The following RNF130 variants were observed in gnomAD, a reference collection of about 807,000 sequenced individuals.
The protein encoded by RNF130 is E3 ubiquitin-protein ligase RNF130.
RNF130 carries 21 observed loss-of-function variants against 44.6 expected under a neutral mutation model. The observed-to-expected ratio is 0.47, with a 90% CI of 0.33 to 0.68. RNF130 has a LOEUF of 0.68. RNF130 is among the 30% of genes least tolerant of loss of function. The pLI, the probability that RNF130 is intolerant of heterozygous loss-of-function variation, is 0.02. For synonymous variants in RNF130, 214 were observed against 210.4 expected (o/e 1.02, Z -0.15); for missense variants, 479 against 560.6 (o/e 0.85, Z 1.47).
downstream of RNF130, among the ~76,000 whole-genome samples, chr5:179,951,811 T>G (rs1762130896): frequency 6.6e-6 from 1 of 151,802 alleles, no homozygotes; most frequent in Non-Finnish European, 1.5e-5. Flanking sequence ...AACAACATAC[T>G]CCTAAATAAC....
At chr5:179,940,568 T>C (rs11955147) in intron 7 of RNF130, among the ~76,000 whole-genome samples, 2,115 of 152,286 alleles carry the variant, frequency 0.014, 56 homozygotes, top group African/African-American at 0.049. Context: ...GTTACTTTTA[T>C]GTTATGAGAA....
intron 7 of RNF130, among the ~76,000 whole-genome samples, chr5:179,932,280 G>A (rs773030093): frequency 6.1e-4 from 93 of 151,978 alleles, no homozygotes; most frequent in Non-Finnish European, 8.7e-4. Context: ...TTATTTGAGA[G>A]GGAGTCTCGC....
chr5:180,049,107 G>T (rs1428425637), intron 1 of RNF130, among the ~76,000 whole-genome samples: 1 of 152,210 alleles, frequency 6.6e-6, no homozygotes, highest in Non-Finnish European at 1.5e-5. Flanking sequence ...CTTATACAGT[G>T]GCTCTTAATT....
chr5:180,067,214 T>C (rs1045542667), intron 1 of RNF130, among the ~76,000 whole-genome samples: 22 of 152,236 alleles, frequency 1.4e-4, no homozygotes, highest in African/African-American at 3.9e-4. Context: ...CTTAGCTCCC[T>C]TCTGCTCCCC....
intron 3 of RNF130, among the ~76,000 whole-genome samples, chr5:179,992,103 G>T (rs1763096262): frequency 6.6e-6 from 1 of 152,148 alleles, no homozygotes; most frequent in Non-Finnish European, 1.5e-5. Flanking sequence ...TGTATCCATG[G>T]TCTAGATCAT....
chr5:180,032,486 T>G (rs1764152484), intron 2 of RNF130, among the ~76,000 whole-genome samples: 1 of 152,054 alleles, frequency 6.6e-6, no homozygotes, highest in Admixed American at 6.6e-5. Flanking sequence ...ATTCTACCAC[T>G]TTAGCCTCCC....
intron 3 of RNF130, among the ~76,000 whole-genome samples, chr5:179,985,359 T>C (rs1285573156): frequency 6.6e-6 from 1 of 152,124 alleles, no homozygotes; most frequent in Non-Finnish European, 1.5e-5. Context: ...TGTGATGTTT[T>C]ATCTGGATTC....
intron 1 of RNF130, among the ~76,000 whole-genome samples, chr5:180,063,836 C>T (rs544407788): frequency 2.6e-5 from 4 of 152,044 alleles, no homozygotes; most frequent in Non-Finnish European, 5.9e-5. Flanking sequence ...TTTGTGTTTA[C>T]AAAAGACTTC....
At chr5:180,043,914 T>A (rs531142405) in intron 1 of RNF130, among the ~76,000 whole-genome samples, 93 of 152,216 alleles carry the variant, frequency 6.1e-4, no homozygotes, top group African/African-American at 2.2e-3. Context: ...CAGAAGAAAA[T>A]AAGAGGTTTT....
intron 3 of RNF130, among the ~76,000 whole-genome samples, chr5:180,000,591 CTTT>C (rs149740298): frequency 3.3e-5 from 5 of 151,196 alleles, no homozygotes; most frequent in Non-Finnish European, 5.9e-5. Context: ...ATTCTTATTT[CTTT>C]TTTTTTGTCT....
chr5:179,986,726 T>A (rs893858689), intron 3 of RNF130, among the ~76,000 whole-genome samples: 3 of 152,236 alleles, frequency 2.0e-5, no homozygotes, highest in Admixed American at 6.5e-5. Context: ...TAATAATTTT[T>A]AACTTTTTAC....
At chr5:180,044,831 C>CA (rs1009813356) in intron 1 of RNF130, among the ~76,000 whole-genome samples, 2,556 of 136,872 alleles carry the variant, frequency 0.019, 28 homozygotes, top group Admixed American at 0.029. Flanking sequence ...GACTCCGTCT[C>CA]AAAAAAAAAA....
At chr5:179,923,977 A>C (rs1761671072) in intron 7 of RNF130, among the ~76,000 whole-genome samples, 1 of 152,228 alleles carries the variant, frequency 6.6e-6, no homozygotes, top group Non-Finnish European at 1.5e-5. Context: ...AAAGCATTTC[A>C]GTGCTAGCTC....
intron 3 of RNF130, among the ~76,000 whole-genome samples, chr5:180,011,301 A>G (rs1763591223): frequency 6.6e-6 from 1 of 152,200 alleles, no homozygotes. Flanking sequence ...ACAAAACCCA[A>G]AAAAGGTCTA....
chr5:179,991,834 T>C (rs1291302373), intron 3 of RNF130, among the ~76,000 whole-genome samples: 2 of 152,102 alleles, frequency 1.3e-5, no homozygotes, highest in Admixed American at 6.5e-5. Context: ...CTGAGCTTGT[T>C]CTCCTGCAAG....
At chr5:179,988,338 T>C (rs985283060) in intron 3 of RNF130, among the ~76,000 whole-genome samples, 1 of 152,206 alleles carries the variant, frequency 6.6e-6, no homozygotes, top group African/African-American at 2.4e-5. Flanking sequence ...ATTTATCTAT[T>C]GAAAAACCAA....
intron 3 of RNF130, among the ~76,000 whole-genome samples, chr5:179,990,184 C>T (rs1424001741): frequency 1.3e-5 from 2 of 152,078 alleles, no homozygotes; most frequent in Non-Finnish European, 2.9e-5. Context: ...TGCCTGGCTG[C>T]ACTGTTATTT....
intron 8 of RNF130, among the ~76,000 whole-genome samples, chr5:179,962,836 G>A (rs10056758): frequency 0.016 from 2,450 of 152,052 alleles, 66 homozygotes; most frequent in African/African-American, 0.056. Flanking sequence ...AAACCATCCC[G>A]CCACTAACCA....
intron 3 of RNF130, among the ~76,000 whole-genome samples, chr5:180,005,927 T>C (rs1432918418): frequency 6.6e-6 from 1 of 152,198 alleles, no homozygotes; most frequent in Non-Finnish European, 1.5e-5. Context: ...ACTATGATCT[T>C]AAGAGCATAT....
Sources: gnomAD v4.1 joint callset for allele counts (sites outside exome capture counted in the v4.1 genomes callset) on GRCh38, gnomAD v4.1.1 for gene constraint, MANE v1.5 for transcripts, NCBI Gene and HGNC (gene_info 2026-07-23, HGNC 2026-07-21) for gene names.